DIABLO: variants seen among roughly 807,000 people sequenced by gnomAD.
DIABLO encodes diablo IAP-binding mitochondrial protein.
Under a neutral mutation model 31.7 loss-of-function variants are expected in DIABLO, and 32 were observed. The ratio of observed to expected loss-of-function variants is 1.01; its 90% CI spans 0.76 to 1.35. The LOEUF (loss-of-function observed/expected upper bound fraction) is 1.35, where lower values mean the gene tolerates loss of function less well. Among genes scored for constraint, DIABLO ranks in the 40% most tolerant of loss-of-function variants. The pLI, the probability that DIABLO is intolerant of heterozygous loss-of-function variation, is 0.00. For missense variants in DIABLO, 316 were observed against 286.4 expected (o/e 1.10, Z -0.75); for synonymous variants, 132 against 103.2 (o/e 1.28, Z -1.69).
At chr12:122,225,025 CAA>C (rs1286732981) in intron 1 of DIABLO, 1 of 385,386 alleles carries the variant, frequency 2.6e-6, no homozygotes, top group East Asian at 7.3e-5. Context: ...TCTGCCTGAC[CAA>C]CATGGTGAAA....
intron 4 of DIABLO, 51 bp downstream of exon 4, chr12:122,216,707 AC>A: frequency 1.9e-6 from 3 of 1,566,384 alleles, no homozygotes; most frequent in Non-Finnish European, 1.8e-6. Context: ...TAATTTAGAT[AC>A]CACATGAGGT....
intron 2 of DIABLO, chr12:122,220,999 T>C (rs1257595589): frequency 6.6e-6 from 1 of 152,242 alleles, no homozygotes; most frequent in Non-Finnish European, 1.5e-5. Context: ...TTACAAGCAA[T>C]GACATGGAAG....
chr12:122,220,901 A>G (rs1003295475), intron 2 of DIABLO: 1 of 152,244 alleles, frequency 6.6e-6, no homozygotes, highest in Non-Finnish European at 1.5e-5. Flanking sequence ...TTTTGTCTCA[A>G]TATTCTGATA....
chr12:122,207,662 T>C (rs1376088031), downstream of DIABLO: 10 of 643,192 alleles, frequency 1.6e-5, no homozygotes, highest in Non-Finnish European at 2.6e-5. Context: ...GGAGGCTGCA[T>C]AGGACCCCAG....
intron 1 of DIABLO, 50 bp from the exon 2 acceptor site, chr12:122,224,694 G>T: frequency 1.2e-6 from 2 of 1,613,962 alleles, no homozygotes; most frequent in Non-Finnish European, 1.7e-6. Flanking sequence ...ATCTGTAACA[G>T]GCTCTTGGAT....
intron 2 of DIABLO, among the ~76,000 whole-genome samples, chr12:122,223,285 A>T (rs1018476237): frequency 6.6e-6 from 1 of 151,494 alleles, no homozygotes; most frequent in Non-Finnish European, 1.5e-5. Context: ...AAATACAAAA[A>T]CTAGCTGGGT....
chr12:122,218,732 G>A (rs1954269933), intron 2 of DIABLO: 2 of 347,786 alleles, frequency 5.8e-6, no homozygotes, highest in African/African-American at 2.1e-5. Context: ...ACGAGGTCAG[G>A]AGATTGAGAC....
At chr12:122,210,763 T>A (rs189054030) in intron 5 of DIABLO, among the ~76,000 whole-genome samples, 1 of 152,090 alleles carries the variant, frequency 6.6e-6, no homozygotes, top group Non-Finnish European at 1.5e-5. Context: ...GAAGAGTATG[T>A]AAATTTAGAG....
In DIABLO at chr12:122,225,951, G is replaced by A. The variant is rs530872002; in HGVS notation, c.50+14C>T. 6 of 1,586,868 alleles carry A rather than the reference G, an allele frequency of 3.8e-6. No individual in the cohort carries two copies. The highest frequency in any genetic ancestry group is 1.8e-5 in the Admixed American group (1 of 56,380). On this transcript the variant is annotated intron_variant, in intron 1 of 5. Transcript: ENST00000464942. ...CCCTCTGGTCCTGTCCCCTCTACGC[G>A]GCCGCAGCGGTACCTGAAGAATGAA...
At chr12:122,225,420 A>T in intron 1 of DIABLO, 1 of 997,516 alleles carries the variant, frequency 1.0e-6, no homozygotes, top group Non-Finnish European at 1.2e-6. Flanking sequence ...TGTTGCCTTT[A>T]AACTTTTTAG....
Position 122,207,887 on chromosome 12 carries a change from G to A in DIABLO, c.*494C>T. On this transcript the variant is annotated 3_prime_UTR_variant, in exon 6 of 6. Coordinates refer to ENST00000464942, the MANE Select transcript of DIABLO (RefSeq NM_001371333.1). ...TGGCCTCAGCTGTCCTCACAGGACAGTGGGGGCAGATCAGAGAACACATCA... is the reference window on the plus strand; with the variant it reads ...TGGCCTCAGCTGTCCTCACAGGACAATGGGGGCAGATCAGAGAACACATCA... 1 of 460,594 alleles carries A rather than the reference G, an allele frequency of 2.2e-6. No homozygotes were observed. The highest frequency in any genetic ancestry group is 1.5e-5 in the South Asian group (1 of 64,532). 28.5% of individuals were successfully genotyped at this position (460,594 alleles called of 1,614,324 possible). A position where few individuals can be genotyped will look rare whatever the true frequency, so the allele number is the denominator to read the frequency against.
chr12:122,216,675 ATATTGATTAGAC>A, intron 4 of DIABLO, 72 bp downstream of exon 4: 19 of 1,538,784 alleles, frequency 1.2e-5, no homozygotes, highest in Non-Finnish European at 1.7e-5. Context: ...AACACTGATT[ATATTGATTAGAC>A]TTAATTCAAT....
intron 5 of DIABLO, among the ~76,000 whole-genome samples, chr12:122,215,561 G>A (rs931079224): frequency 1.8e-4 from 27 of 152,142 alleles, no homozygotes; most frequent in African/African-American, 1.7e-4. Context: ...CCTAGATGGC[G>A]CCAGTGCACT....
intron 5 of DIABLO, among the ~76,000 whole-genome samples, chr12:122,215,407 CTTCTCTATTAAAAATACAAAAACTA>C (rs1353261537): frequency 1.6e-4 from 25 of 152,032 alleles, no homozygotes; most frequent in East Asian, 3.9e-4. Context: ...GGCAAAACCC[CTTCTCTATTAAAAATACAAAAACTA>C]TTCTCTATTA....
At chr12:122,214,388 T>A (rs994878460) in intron 5 of DIABLO, among the ~76,000 whole-genome samples, 1 of 152,150 alleles carries the variant, frequency 6.6e-6, no homozygotes, top group Middle Eastern at 3.2e-3. Flanking sequence ...AACCCTAGCC[T>A]GCTAATCTTG....
Position 122,219,980 on chromosome 12 carries a change from A to G in DIABLO, c.184-1583T>C, listed in dbSNP as rs557466542. On this transcript the variant is annotated intron_variant, in intron 2 of 5. Coordinates refer to ENST00000464942, the MANE Select transcript of DIABLO (RefSeq NM_001371333.1). Reference sequence around the variant, plus strand: ...TTTTTTTGAGACAGAGTCTCACTCTATCACCCAGGCTGGAGTGCAGTGGTT... The same window carrying G: ...TTTTTTTGAGACAGAGTCTCACTCTGTCACCCAGGCTGGAGTGCAGTGGTT... 1.1e-4 allele frequency among the ~76,000 whole-genome samples: 16 copies of G among 149,116 alleles called. 1 individual carries two copies. The South Asian group carries it at 1.5e-3, about 14-fold the overall frequency.
chr12:122,216,448 A>C, intron 5 of DIABLO, 40 bp downstream of exon 5: 1 of 1,557,808 alleles, frequency 6.4e-7, no homozygotes. Flanking sequence ...TTCCTAGTTA[A>C]AAAATTAAAA....
At chr12:122,225,382 G>T in intron 1 of DIABLO, 1 of 990,788 alleles carries the variant, frequency 1.0e-6, no homozygotes, top group Non-Finnish European at 1.2e-6. Flanking sequence ...GGCAGATCTT[G>T]TCTCAAAAAA....
intron 5 of DIABLO, among the ~76,000 whole-genome samples, chr12:122,210,566 A>T (rs914680205): frequency 6.0e-5 from 9 of 150,998 alleles, no homozygotes; most frequent in Non-Finnish European, 1.3e-4. Context: ...ATTTTAGTAG[A>T]GACGGGGTTT....
Sources: allele counts gnomAD v4.1 joint callset (sites outside exome capture counted in the v4.1 genomes callset), GRCh38; gene constraint gnomAD v4.1.1; transcripts MANE v1.5; gene names NCBI Gene and HGNC (gene_info 2026-07-23, HGNC 2026-07-21).